Variants in SLC7A2 observed in about 807,000 individuals in gnomAD.
SLC7A2 encodes solute carrier family 7 member 2, also known as cationic amino acid transporter 2.
In SLC7A2, 48 loss-of-function variants were observed where a neutral mutation model predicts 58.9. The ratio of observed to expected loss-of-function variants is 0.82; its 90% CI spans 0.65 to 1.04. The LOEUF (loss-of-function observed/expected upper bound fraction) is 1.04. Ranked by LOEUF, SLC7A2 falls within the 50% of genes least tolerant of loss-of-function variation. SLC7A2 has a pLI of 0.00. For synonymous variants in SLC7A2, 363 were observed against 314.5 expected, an observed-to-expected ratio of 1.15 and a Z score of -1.63; for missense variants, 1,029 against 818.8, an observed-to-expected ratio of 1.26 and a Z score of -3.13.
chr8:17,509,558 G>A (rs2150663347), intron 2 of SLC7A2, among the ~76,000 whole-genome samples: 1 of 152,120 alleles, frequency 6.6e-6, no homozygotes, highest in Middle Eastern at 3.4e-3. Flanking sequence ...CACCCGCCTT[G>A]GCCTCCCAAA....
intron 2 of SLC7A2, among the ~76,000 whole-genome samples, chr8:17,515,188 G>A (rs13281892): frequency 0.58 from 87,660 of 152,090 alleles, 26,481 homozygotes; most frequent in Non-Finnish European, 0.67. Flanking sequence ...GTAATGGTGT[G>A]ATACACCCGG....
intron 2 of SLC7A2, 147 bp from the exon 3 acceptor site, chr8:17,543,171 A>T (rs534080589): frequency 2.8e-6 from 2 of 714,430 alleles, no homozygotes; most frequent in Admixed American, 6.5e-5. Flanking sequence ...GGGTCACTGC[A>T]TCTCTTCTAA....
rs1455373509 is a variant in SLC7A2, at chr8:17,569,919, T to C, written c.*4773T>C. 1 of 152,204 alleles carries C rather than the reference T, an allele frequency of 6.6e-6. No individual in the cohort carries two copies. The highest frequency in any genetic ancestry group is 1.5e-5 in the Non-Finnish European group (1 of 68,042). 9.4% of individuals were successfully genotyped at this position (152,204 alleles called of 1,614,324 possible). On this transcript the variant is annotated 3_prime_UTR_variant, in exon 13 of 13. Coordinates refer to ENST00000494857, the MANE Select transcript of SLC7A2 (RefSeq NM_001370338.1). ...TAGAGTGTGAGCATCTATGTGTAGC[T>C]ACCCTTGTTGGGTGGGCTCTTAGAC...
Position 17,568,176 on chromosome 8 carries a change from C to A in SLC7A2, c.*3030C>A, listed in dbSNP as rs1290418644. 1 of 151,994 alleles carries A rather than the reference C, an allele frequency of 6.6e-6. No individual in the cohort carries two copies. The highest frequency in any genetic ancestry group is 2.4e-5 in the African/African-American group (1 of 41,404). The allele number at this position is 151,994 out of a possible 1,614,324, so 9.4% of individuals were successfully genotyped here. The stretch of plus-strand genomic sequence containing the variant: ...CAGCTTAAATTACTTTTCTTTTCTA[C>A]ATTAAGAAATATATTCTCAACATTT... On this transcript the variant is annotated 3_prime_UTR_variant, in exon 13 of 13. Coordinates refer to ENST00000494857, the MANE Select transcript of SLC7A2 (RefSeq NM_001370338.1).
rs767083662 is a variant in SLC7A2 at position 17,565,187 on chromosome 8, A to G, written c.*41A>G. On this transcript the variant is annotated 3_prime_UTR_variant, in exon 13 of 13. Transcript: ENST00000494857. ...AGCTGGTCATCGTCTTAGCATACATATCCTACACTGAGTAAACCGTAACGG... is the reference window on the plus strand; with the variant it reads ...AGCTGGTCATCGTCTTAGCATACATGTCCTACACTGAGTAAACCGTAACGG... The G allele has an allele frequency of 1.3e-5, 19 of 1,485,448 alleles. No individual in the cohort carries two copies. The highest frequency in any genetic ancestry group is 1.7e-5 in the Non-Finnish European group (18 of 1,080,658). 92.0% of individuals were successfully genotyped at this position (1,485,448 alleles called of 1,614,324 possible). A position where few individuals can be genotyped will look rare whatever the true frequency, so the allele number is the denominator to read the frequency against.
At chr8:17,533,207 A>G (rs1801530260) in intron 2 of SLC7A2, among the ~76,000 whole-genome samples, 1 of 152,236 alleles carries the variant, frequency 6.6e-6, no homozygotes, top group South Asian at 2.1e-4. Flanking sequence ...CAATAGCAGC[A>G]TTTCAACAAT....
chr8:17,531,903 A>C (rs1386055877), intron 2 of SLC7A2, among the ~76,000 whole-genome samples: 1 of 152,026 alleles, frequency 6.6e-6, no homozygotes, highest in East Asian at 1.9e-4. Flanking sequence ...TTTCAAAATG[A>C]GTCTTAAAGA....
chr8:17,554,483 C>A, intron 7 of SLC7A2, 77 bp from the exon 8 acceptor site: 2 of 1,182,522 alleles, frequency 1.7e-6, no homozygotes, highest in Non-Finnish European at 2.3e-6. Context: ...GAATATTATA[C>A]AATTATTTTA....
intron 4 of SLC7A2, among the ~76,000 whole-genome samples, chr8:17,548,063 G>A (rs916304130): frequency 1.3e-5 from 2 of 152,174 alleles, no homozygotes; most frequent in Admixed American, 1.3e-4. Flanking sequence ...ACTGGGCCGG[G>A]CATTGTGGCT....
chr8:17,543,215 C>G (rs1266742701), intron 2 of SLC7A2, 103 bp from the exon 3 acceptor site: 1 of 913,380 alleles, frequency 1.1e-6, no homozygotes, highest in South Asian at 1.9e-5. Flanking sequence ...CACACACACA[C>G]AAACACACAC....
rs1426405636 is a variant in SLC7A2 at position 17,562,016 on chromosome 8, G to A, written c.1577G>A (p.Ser526Asn). 9 of 1,614,086 alleles carry A rather than the reference G, an allele frequency of 5.6e-6. No individual in the cohort carries two copies. In the South Asian group the frequency reaches 8.8e-5, roughly 16 times the overall value. The part of the protein sequence containing the change: ...VHAITRLEAW[S>N]LALLALFLVL... ...GCCATCACCAGGCTGGAGGCCTGGA[G>A]CCTCGCTCTCCTCGCGCTGTTTCTT... The change falls in exon 11 of 13, where the codon AGC (serine) becomes AAC (asparagine). Residue 526 changes from serine to asparagine, a missense_variant. Transcript: ENST00000494857.
chr8:17,535,739 C>T (rs1041493340), intron 2 of SLC7A2, among the ~76,000 whole-genome samples: 1 of 152,030 alleles, frequency 6.6e-6, no homozygotes, highest in African/African-American at 2.4e-5. Flanking sequence ...CCTGTCTCTA[C>T]TAAAAATACA....
intron 8 of SLC7A2, among the ~76,000 whole-genome samples, chr8:17,557,428 GT>G (rs763274534): frequency 2.6e-5 from 4 of 152,148 alleles, no homozygotes; most frequent in Non-Finnish European, 5.9e-5. Flanking sequence ...CTCAGATCTA[GT>G]AAGTCTACCT....
intron 2 of SLC7A2, among the ~76,000 whole-genome samples, chr8:17,509,100 G>A (rs1563435309): frequency 6.6e-6 from 1 of 152,110 alleles, no homozygotes; most frequent in South Asian, 2.1e-4. Flanking sequence ...GGTACCAACT[G>A]TAATTGAAAG....
At position 17,525,077 on chromosome 8, in the gene SLC7A2, CCTAT is replaced by C. The variant is rs759075411; in HGVS notation, c.-22-18236_-22-18233del. Among the ~76,000 whole-genome samples the C allele has an allele frequency of 7.2e-4, 110 of 152,224 alleles. 1 individual carries two copies. The highest frequency in any genetic ancestry group is 3.4e-3 in the Middle Eastern group (1 of 294). On this transcript the variant is annotated intron_variant, in intron 2 of 12. Transcript: ENST00000494857. ...ATTCCCCCCATTCTCTACATCACAT[CCTAT>C]CTATTAAAAGGATCCTTTCAGCCCA...
chr8:17,497,743 T>G (rs1800010072), intron 1 of SLC7A2, among the ~76,000 whole-genome samples: 1 of 152,226 alleles, frequency 6.6e-6, no homozygotes, highest in Non-Finnish European at 1.5e-5. Context: ...CTTGGAGCGC[T>G]GGAAGCCCCT....
intron 7 of SLC7A2, among the ~76,000 whole-genome samples, chr8:17,554,047 T>A (rs73558898): frequency 0.016 from 2,497 of 152,238 alleles, 65 homozygotes; most frequent in African/African-American, 0.057. Context: ...ATTACTAACT[T>A]GATCCAAGAT....
At chr8:17,499,367 CCCT>C (rs1800068267) in intron 1 of SLC7A2, 3 of 149,042 alleles carry the variant, frequency 2.0e-5, no homozygotes, top group African/African-American at 7.5e-5. Context: ...CCCCCTCTCT[CCCT>C]CATTTCTCTC....
intron 2 of SLC7A2, chr8:17,538,731 AGATCCC>A: frequency 1.4e-6 from 2 of 1,480,142 alleles, no homozygotes; most frequent in Non-Finnish European, 1.8e-6. Flanking sequence ...AGTATGGTAA[AGATCCC>A]TACTTATCTA....
Sources: gnomAD v4.1 joint callset for allele counts (sites outside exome capture counted in the v4.1 genomes callset) on GRCh38, gnomAD v4.1.1 for gene constraint, MANE v1.5 for transcripts, NCBI Gene and HGNC (gene_info 2026-07-23, HGNC 2026-07-21) for gene names.